Variants in FYB2 observed in about 807,000 individuals in gnomAD.
FYB2 encodes the protein FYN binding protein 2.
A neutral mutation model predicts 94.1 loss-of-function variants in FYB2; 103 were observed. That is an observed-to-expected ratio of 1.09 (90% CI 0.93 to 1.29). The LOEUF (loss-of-function observed/expected upper bound fraction) is 1.29, where lower values mean the gene tolerates loss of function less well. FYB2 is among the 50% of genes most tolerant of loss of function. The pLI is 0.00. For missense variants in FYB2, 896 were observed against 841.5 expected (o/e 1.06, Z -0.80); for synonymous variants, 293 against 287.9 (o/e 1.02, Z -0.18).
At chr1:56,722,901 A>G (rs1304587493) in intron 17 of FYB2, among the ~76,000 whole-genome samples, 1 of 152,072 alleles carries the variant, frequency 6.6e-6, no homozygotes, top group African/African-American at 2.4e-5. Flanking sequence ...TAGCACATGG[A>G]AGGTGCTCAG....
intron 13 of FYB2, among the ~76,000 whole-genome samples, chr1:56,739,374 T>TAA (rs774343400): frequency 9.2e-5 from 14 of 152,034 alleles, no homozygotes; most frequent in Non-Finnish European, 1.9e-4. Flanking sequence ...TCTTCTTCCA[T>TAA]ATCAGGACTA....
At chr1:56,733,247 G>A (rs1363388710) in intron 15 of FYB2, among the ~76,000 whole-genome samples, 1 of 152,086 alleles carries the variant, frequency 6.6e-6, no homozygotes, top group Non-Finnish European at 1.5e-5. Context: ...TCTGATGGTA[G>A]TTTGTATTTC....
chr1:56,818,455 AACACACACACACACACAC>A (rs3991685), intron 1 of FYB2, among the ~76,000 whole-genome samples: 31 of 139,966 alleles, frequency 2.2e-4, no homozygotes, highest in Middle Eastern at 3.6e-3. Flanking sequence ...GTATGGAAGC[AACACACACACACACACAC>A]ACACACACAC....
intron 9 of FYB2, among the ~76,000 whole-genome samples, chr1:56,747,375 CTAAG>C (rs1645092355): frequency 1.3e-5 from 2 of 151,574 alleles, no homozygotes; most frequent in South Asian, 4.2e-4. Flanking sequence ...CCCGCATGCA[CTAAG>C]TATTTGTCCT....
chr1:56,723,826 C>T (rs857140), intron 16 of FYB2, 145 bp from the exon 17 acceptor site: 90,790 of 566,018 alleles, frequency 0.16, 7,789 homozygotes, highest in East Asian at 0.28. Context: ...CACAAAGTCA[C>T]GCATCTGTAT....
chr1:56,720,134 AAG>A, intron 18 of FYB2, 37 bp downstream of exon 18: 9 of 1,586,306 alleles, frequency 5.7e-6, no homozygotes, highest in Admixed American at 1.9e-5. Flanking sequence ...ATTTTTTAAA[AAG>A]AATGAAATAT....
At position 56,775,080 on chromosome 1, in the gene FYB2, CT is replaced by C. The variant is rs1409746850; in HGVS notation, c.954-7143del. Reference sequence around the variant, plus strand: ...CCTTGCTCCTCAGCTTGCAGATGGCCTATTGTGGGACTTCACCTTGTGATCA... The same window carrying C: ...CCTTGCTCCTCAGCTTGCAGATGGCCATTGTGGGACTTCACCTTGTGATCA... On this transcript the variant is annotated intron_variant, in intron 4 of 19. Transcript: ENST00000343433. Among the ~76,000 whole-genome samples, 7 of 152,148 alleles carry C rather than the reference CT, an allele frequency of 4.6e-5. No homozygotes were observed. The East Asian group carries it at 1.4e-3, about 29-fold the overall frequency.
chr1:56,766,869 A>G (rs767185182), intron 5 of FYB2, among the ~76,000 whole-genome samples: 2 of 152,324 alleles, frequency 1.3e-5, no homozygotes, highest in African/African-American at 2.4e-5. Context: ...TGTCTATACA[A>G]TGAAGAAGTT....
Position 56,744,046 on chromosome 1 carries a change from C to A in FYB2, c.1523G>T (p.Ser508Ile). 1 of 1,612,538 alleles carries A rather than the reference C, an allele frequency of 6.2e-7. No homozygotes were observed. Among genetic ancestry groups the A allele is most frequent in the African/African-American group, 1.3e-5 (1 of 74,932 alleles). Reference protein sequence around the residue: ...RKEVPKLNYSSSLASSSEENR... With the variant: ...RKEVPKLNYSISLASSSEENR... ...CTTACCACTACTTGAGGCAAGTGAG[C>A]TAGAGTAGTTCAGCTTCGGTCTATG... is the stretch of plus-strand genomic sequence containing the variant. Residue 508 changes from serine to isoleucine, a missense_variant, in exon 11 of 20, where the codon AGC becomes ATC. Coordinates refer to ENST00000343433, the MANE Select transcript of FYB2 (RefSeq NM_001004303.5).
intron 1 of FYB2, among the ~76,000 whole-genome samples, chr1:56,795,087 G>A (rs1026086028): frequency 1.3e-5 from 2 of 151,460 alleles, no homozygotes; most frequent in East Asian, 3.9e-4. Context: ...TCACATTGTT[G>A]TGTAACCAAT....
chr1:56,817,910 C>T (rs1396238829), intron 1 of FYB2, among the ~76,000 whole-genome samples: 1 of 152,146 alleles, frequency 6.6e-6, no homozygotes, highest in African/African-American at 2.4e-5. Context: ...CATGTAAGCT[C>T]ATGTCCCAGC....
intron 15 of FYB2, among the ~76,000 whole-genome samples, chr1:56,732,642 T>C (rs984281006): frequency 6.6e-6 from 1 of 151,970 alleles, no homozygotes; most frequent in East Asian, 1.9e-4. Flanking sequence ...CACAAACCAA[T>C]GGAACAGAAT....
At chr1:56,742,436 C>A (rs2100620509) in intron 11 of FYB2, among the ~76,000 whole-genome samples, 1 of 152,160 alleles carries the variant, frequency 6.6e-6, no homozygotes, top group Admixed American at 6.5e-5. Flanking sequence ...AATTAAGACT[C>A]ATTTCCACCT....
chr1:56,723,806 T>C (rs1569846934), intron 16 of FYB2, 125 bp from the exon 17 acceptor site: 2 of 609,088 alleles, frequency 3.3e-6, no homozygotes, highest in East Asian at 6.0e-5. Flanking sequence ...TAATTTTATA[T>C]AAAATAATAC....
intron 15 of FYB2, among the ~76,000 whole-genome samples, chr1:56,732,814 A>G (rs1644740516): frequency 6.6e-6 from 1 of 151,442 alleles, no homozygotes; most frequent in South Asian, 2.1e-4. Context: ...CCCACCACTT[A>G]CACTATACAA....
chr1:56,796,185 C>T (rs1021040222), intron 1 of FYB2, among the ~76,000 whole-genome samples: 1 of 152,234 alleles, frequency 6.6e-6, no homozygotes, highest in East Asian at 1.9e-4. Context: ...ATCTCCGAAG[C>T]CCCTTCCAGC....
At chr1:56,805,335 T>C (rs1646619854) in intron 1 of FYB2, among the ~76,000 whole-genome samples, 1 of 152,186 alleles carries the variant, frequency 6.6e-6, no homozygotes, top group African/African-American at 2.4e-5. Flanking sequence ...TTGTTGTATA[T>C]TTGTGGGTAG....
rs372950732 is a variant in FYB2 at position 56,721,097 on chromosome 1, C to T, written c.1975-768G>A. On this transcript the variant is annotated intron_variant, in intron 17 of 19. Coordinates refer to ENST00000343433, the MANE Select transcript of FYB2 (RefSeq NM_001004303.5). ...CCCAGTCTCCTTTTGTATTCACAGG[C>T]AGGCAGGCATTTTGTTAGAAACTCC... is the stretch of plus-strand genomic sequence containing the variant. 1.4e-4 allele frequency among the ~76,000 whole-genome samples: 21 copies of T among 152,034 alleles called. No individual in the cohort carries two copies. The East Asian group carries it at 2.3e-3, about 17-fold the overall frequency.
intron 4 of FYB2, among the ~76,000 whole-genome samples, chr1:56,777,029 C>T (rs1355799114): frequency 2.0e-5 from 1 of 50,006 alleles, no homozygotes; most frequent in Non-Finnish European, 3.1e-5. Flanking sequence ...GTCAGGAGAT[C>T]GAGACCATCC....
Sources: gnomAD v4.1 joint callset for allele counts (sites outside exome capture counted in the v4.1 genomes callset) on GRCh38, gnomAD v4.1.1 for gene constraint, MANE v1.5 for transcripts, NCBI Gene and HGNC (gene_info 2026-07-23, HGNC 2026-07-21) for gene names.